The following ACSL6 variants were observed in gnomAD, a reference collection of about 807,000 sequenced individuals.
ACSL6 encodes long-chain-fatty-acid--CoA ligase 6.
ACSL6 carries 47 observed loss-of-function variants against 98.2 expected under a neutral mutation model. The observed-to-expected ratio is 0.48, with a 90% CI of 0.38 to 0.61. The LOEUF (loss-of-function observed/expected upper bound fraction) is 0.61. Ranked by LOEUF, ACSL6 falls within the 20% of genes least tolerant of loss-of-function variation. The pLI is 0.00. For missense variants in ACSL6, 761 were observed against 913.4 expected, an observed-to-expected ratio of 0.83 and a Z score of 2.15; for synonymous variants, 362 against 336.9, an observed-to-expected ratio of 1.07 and a Z score of -0.82.
intron 10 of ACSL6, 152 bp from the exon 11 acceptor site, chr5:131,975,122 A>G: frequency 7.1e-7 from 1 of 1,406,488 alleles, no homozygotes; most frequent in Middle Eastern, 2.4e-4. Context: ...GAGAGAGGTG[A>G]GATGAAAGAG....
chr5:132,009,041 T>C (rs1358791590), intron 1 of ACSL6, among the ~76,000 whole-genome samples: 2 of 152,240 alleles, frequency 1.3e-5, no homozygotes, highest in Non-Finnish European at 2.9e-5. Context: ...CTTATTTTAC[T>C]TGTCTCCTTG....
chr5:131,995,192 G>A (rs1754733624), intron 1 of ACSL6, among the ~76,000 whole-genome samples: 1 of 152,186 alleles, frequency 6.6e-6, no homozygotes, highest in Non-Finnish European at 1.5e-5. Context: ...TAGAGAGAGG[G>A]AAGGTCTCTG....
At chr5:131,960,947 C>A in intron 18 of ACSL6, 1 of 209,942 alleles carries the variant, frequency 4.8e-6, no homozygotes, top group Non-Finnish European at 9.4e-6. Flanking sequence ...TTCTCTGAAC[C>A]AAAATGTTTC....
chr5:132,011,743 C>T, upstream of ACSL6: 1 of 1,300,974 alleles, frequency 7.7e-7, no homozygotes, highest in Non-Finnish European at 9.8e-7. This position sits in a 1 kb window ranked among gnomAD's most constrained non-coding sequence, Gnocchi z 5.4. Flanking sequence ...GGGGAGGGCG[C>T]GGCGCGCACT....
intron 18 of ACSL6, among the ~76,000 whole-genome samples, chr5:131,961,172 A>C (rs1314190832): frequency 6.6e-6 from 1 of 151,904 alleles, no homozygotes; most frequent in Non-Finnish European, 1.5e-5. Flanking sequence ...CTACAGGTGC[A>C]TGCCACCACA....
chr5:131,962,348 C>T (rs1311094685), intron 18 of ACSL6, among the ~76,000 whole-genome samples, 187 bp downstream of exon 18: 1 of 152,210 alleles, frequency 6.6e-6, no homozygotes, highest in Non-Finnish European at 1.5e-5. Context: ...AGTACTACTT[C>T]AGACAATTTA....
At position 132,005,149 on chromosome 5, in the gene ACSL6, T is replaced by C. The variant is rs539570866; in HGVS notation, c.49+6356A>G. 2.6e-5 allele frequency among the ~76,000 whole-genome samples: 4 copies of C among 151,768 alleles called. No homozygotes were observed. The East Asian group carries it at 5.8e-4, about 22-fold the overall frequency. On this transcript the variant is annotated intron_variant, in intron 1 of 20. Transcript: ENST00000651883. ...CCTGGGCAACAACAACAAAGCTCTGTCTCAAAAAAAAGAAAAAAGAAAAAA... is the reference window on the plus strand; with the variant it reads ...CCTGGGCAACAACAACAAAGCTCTGCCTCAAAAAAAAGAAAAAAGAAAAAA...
At chr5:131,956,362 G>A (rs1307785818) in intron 20 of ACSL6, among the ~76,000 whole-genome samples, 1 of 152,184 alleles carries the variant, frequency 6.6e-6, no homozygotes, top group African/African-American at 2.4e-5. Context: ...GGCTGAGTGG[G>A]ACATCTGCAG....
rs146234397 is a variant in ACSL6, at chr5:131,984,824, G to A, written c.916+583C>T. 298 of 161,664 alleles carry A rather than the reference G, an allele frequency of 1.8e-3. 3 individuals are homozygous for A. The highest frequency in any genetic ancestry group is 5.6e-3 in the Admixed American group (96 of 17,172). 10.0% of individuals were successfully genotyped at this position (161,664 alleles called of 1,614,324 possible). A position where few individuals can be genotyped will look rare whatever the true frequency, so the allele number is the denominator to read the frequency against. On this transcript the variant is annotated intron_variant, in intron 9 of 20. Transcript: ENST00000651883. Reference sequence around the variant, plus strand: ...TGCTTTGCCTGACAGCCTTGCTCATGGCACACCAGCCCCAGCCTGCAGAGC... The same window carrying A: ...TGCTTTGCCTGACAGCCTTGCTCATAGCACACCAGCCCCAGCCTGCAGAGC...
intron 9 of ACSL6, among the ~76,000 whole-genome samples, chr5:131,977,159 C>G (rs1753664741): frequency 6.6e-6 from 1 of 152,248 alleles, no homozygotes; most frequent in African/African-American, 2.4e-5. Flanking sequence ...GACTTCTCTG[C>G]TGCATTTGGC....
intron 8 of ACSL6, 61 bp from the exon 9 acceptor site, chr5:131,985,519 A>G (rs1376178592): frequency 1.3e-6 from 2 of 1,584,638 alleles, no homozygotes; most frequent in Admixed American, 1.7e-5. Flanking sequence ...AGGGCCCAAG[A>G]TGCCTGGGCT....
In ACSL6 at chr5:132,011,398, G is replaced by T; in HGVS notation, c.49+107C>A. 1 of 1,223,274 alleles carries T rather than the reference G, an allele frequency of 8.2e-7. No homozygotes were observed. The highest frequency in any genetic ancestry group is 1.5e-5 in the African/African-American group (1 of 66,324). The allele number at this position is 1,223,274 out of a possible 1,614,324, so 75.8% of individuals were successfully genotyped here. A position where few individuals can be genotyped will look rare whatever the true frequency, so the allele number is the denominator to read the frequency against. On this transcript the variant is annotated intron_variant, in intron 1 of 20. Transcript: ENST00000651883. This position sits in a 1 kb window ranked among gnomAD's most constrained non-coding sequence, Gnocchi z 5.4. ...CCTTGACGGGACAGCTCAGCAGCAGGGGATGGGGGCTCGGCGGCCGCGGAG... is the reference window on the plus strand; with the variant it reads ...CCTTGACGGGACAGCTCAGCAGCAGTGGATGGGGGCTCGGCGGCCGCGGAG...
rs775219137 is a variant in ACSL6, at chr5:131,970,140, C to T, written c.1495G>A (p.Asp499Asn). Residue 499 changes from aspartate (D) to asparagine (N), a missense_variant, in exon 15 of 21, where the codon GAC becomes AAC. By Grantham distance (23) the Asp-to-Asn change is conservative (BLOSUM62 1). Transcript: ENST00000651883. ...TAGCTFTTPG[D>N]WTSGHVGAPL... ...TAGCCCATCCTACCTGAGGTCCAGT[C>T]GCCAGGAGTGGTGAAGGTACATCCA... The T allele has an allele frequency of 1.4e-5, 22 of 1,614,032 alleles. No homozygotes were observed. Among genetic ancestry groups the T allele is most frequent in the Admixed American group, 3.3e-5 (2 of 60,010 alleles).
At chr5:131,992,496 G>A (rs1469746136) in intron 2 of ACSL6, among the ~76,000 whole-genome samples, 4 of 152,170 alleles carry the variant, frequency 2.6e-5, no homozygotes, top group African/African-American at 4.8e-5. Context: ...GATGAGGCAA[G>A]GGAGGATGCA....
chr5:131,953,236 A>C lies in ACSL6; in HGVS notation c.*998T>G, dbSNP rs930208886. 1 of 191,006 alleles carries C rather than the reference A, an allele frequency of 5.2e-6. No homozygotes were observed. The highest frequency in any genetic ancestry group is 6.1e-5 in the Admixed American group (1 of 16,310). 11.8% of individuals were successfully genotyped at this position (191,006 alleles called of 1,614,324 possible). A position where few individuals can be genotyped will look rare whatever the true frequency, so the allele number is the denominator to read the frequency against. The stretch of plus-strand genomic sequence containing the variant: ...TTATATTTTTTCTAGGTAGTTCCTG[A>C]ATACTTTAATGAGCTTAATAAATGA... On this transcript the variant is annotated 3_prime_UTR_variant, in exon 21 of 21. Coordinates refer to ENST00000651883, the MANE Select transcript of ACSL6 (RefSeq NM_001009185.3).
At chr5:131,954,946 TA>T (rs1424643158) in intron 20 of ACSL6, among the ~76,000 whole-genome samples, 3 of 152,160 alleles carry the variant, frequency 2.0e-5, no homozygotes, top group African/African-American at 7.2e-5. Context: ...TCTTGTTCCA[TA>T]AAATAAGAGG....
chr5:131,983,270 G>C (rs963694353), intron 9 of ACSL6: 1 of 152,134 alleles, frequency 6.6e-6, no homozygotes, highest in Admixed American at 6.5e-5. Context: ...CCACCCCTCA[G>C]CCATCACTGG....
intron 1 of ACSL6, among the ~76,000 whole-genome samples, chr5:132,000,766 G>T (rs1561810258): frequency 6.6e-6 from 1 of 152,122 alleles, no homozygotes; most frequent in African/African-American, 2.4e-5. Context: ...CCTGCACTGG[G>T]CCACTGTCCA....
rs755668268 is a variant in ACSL6 at position 131,985,370 on chromosome 5, G to A, written c.916+37C>T. 3.7e-6 allele frequency: 6 copies of A among 1,613,408 alleles called. No homozygotes were observed. In the African/African-American group the frequency reaches 8.0e-5, roughly 22 times the overall value. ...TGCTAGGCCACCAGGGAAGGGTGCA[G>A]GTAGCCATGGCTGGGGATCTGCGTG... On this transcript the variant is annotated intron_variant, in intron 9 of 20. Coordinates refer to ENST00000651883, the MANE Select transcript of ACSL6 (RefSeq NM_001009185.3).
Sources: allele counts gnomAD v4.1 joint callset (sites outside exome capture counted in the v4.1 genomes callset), GRCh38; gene constraint gnomAD v4.1.1; non-coding constraint Gnocchi (gnomAD v3.1); transcripts MANE v1.5; gene names NCBI Gene and HGNC (gene_info 2026-07-23, HGNC 2026-07-21).